The following PTPRT variants were observed in gnomAD, a reference collection of about 807,000 sequenced individuals.
The protein encoded by PTPRT is receptor-type tyrosine-protein phosphatase T.
In PTPRT, 56 loss-of-function variants were observed where a neutral mutation model predicts 176.8. That is an observed-to-expected ratio of 0.32 (90% CI 0.26 to 0.40). The LOEUF is 0.40. PTPRT is among the 10% of genes least tolerant of loss of function. The pLI, the probability that PTPRT is intolerant of heterozygous loss-of-function variation, is 1.00. For synonymous variants in PTPRT, 783 were observed against 739.0 expected (o/e 1.06, Z -0.96); for missense variants, 1,540 against 1,908.2 (o/e 0.81, Z 3.60).
intron 6 of PTPRT, among the ~76,000 whole-genome samples, chr20:42,713,718 G>T (rs1404644829): frequency 6.6e-6 from 1 of 152,126 alleles, no homozygotes; most frequent in Non-Finnish European, 1.5e-5. Context: ...CTGGATCATG[G>T]GAGCGGATTT....
At chr20:42,900,378 C>G (rs999272795) in intron 1 of PTPRT, among the ~76,000 whole-genome samples, 12 of 152,198 alleles carry the variant, frequency 7.9e-5, no homozygotes, top group African/African-American at 2.7e-4. Context: ...TGATGGTGAG[C>G]AGGCAGAGAC....
intron 7 of PTPRT, among the ~76,000 whole-genome samples, chr20:42,637,670 C>T (rs2074636659): frequency 6.6e-6 from 1 of 152,086 alleles, no homozygotes; most frequent in African/African-American, 2.4e-5. Flanking sequence ...TATTTATTTA[C>T]CGATTGTCAG....
Position 42,909,179 on chromosome 20 carries a change from T to TATAC in PTPRT, c.89-23251_89-23248dup, listed in dbSNP as rs1331544371. 3.9e-5 allele frequency among the ~76,000 whole-genome samples: 6 copies of TATAC among 152,236 alleles called. No homozygotes were observed. In the East Asian group the frequency reaches 9.7e-4, roughly 25 times the overall value. On this transcript the variant is annotated intron_variant, in intron 1 of 30. Coordinates refer to ENST00000373187, the MANE Select transcript of PTPRT (RefSeq NM_007050.6). ...CTAAAAGTAAGTAAATACATACATA[T>TATAC]ATACATACATACATAAAAGAGAAAT...
At chr20:42,839,722 G>A (rs1232388643) in intron 2 of PTPRT, among the ~76,000 whole-genome samples, 1 of 152,198 alleles carries the variant, frequency 6.6e-6, no homozygotes, top group Non-Finnish European at 1.5e-5. Context: ...GGTCGTGAAA[G>A]CCAACTGGTG....
intron 1 of PTPRT, among the ~76,000 whole-genome samples, chr20:42,907,779 G>A (rs1384288244): frequency 2.0e-5 from 3 of 150,772 alleles, no homozygotes; most frequent in Non-Finnish European, 4.4e-5. Flanking sequence ...CAGAGGCCCT[G>A]GGAACTTCTC....
At chr20:42,865,955 TC>T (rs2145807658) in intron 2 of PTPRT, among the ~76,000 whole-genome samples, 1 of 152,272 alleles carries the variant, frequency 6.6e-6, no homozygotes, top group East Asian at 1.9e-4. Flanking sequence ...CCTCTGCTCT[TC>T]CCTTTCTCCT....
chr20:43,158,854 T>C (rs1003296742), intron 1 of PTPRT, among the ~76,000 whole-genome samples: 2 of 152,206 alleles, frequency 1.3e-5, no homozygotes, highest in Non-Finnish European at 2.9e-5. Context: ...TCAAACTCTC[T>C]GTGCTCAGCT....
At chr20:42,574,124 G>T (rs530204645) in intron 7 of PTPRT, among the ~76,000 whole-genome samples, 67 of 152,270 alleles carry the variant, frequency 4.4e-4, no homozygotes, top group African/African-American at 1.6e-3. Context: ...TGCCTATGTG[G>T]GTTGCAGAGC....
chr20:43,047,686 A>AATGATGATG (rs3092428), intron 1 of PTPRT, among the ~76,000 whole-genome samples: 3 of 151,822 alleles, frequency 2.0e-5, no homozygotes, highest in South Asian at 2.1e-4. Flanking sequence ...TAATCATACT[A>AATGATGATG]ATGATGATGA....
At chr20:42,430,339 A>T (rs1455956121) in intron 9 of PTPRT, among the ~76,000 whole-genome samples, 1 of 152,226 alleles carries the variant, frequency 6.6e-6, no homozygotes, top group African/African-American at 2.4e-5. Flanking sequence ...ACAACTCAGT[A>T]CTGTACGTGC....
At chr20:43,033,207 C>T (rs1054869099) in intron 1 of PTPRT, among the ~76,000 whole-genome samples, 1 of 152,152 alleles carries the variant, frequency 6.6e-6, no homozygotes, top group African/African-American at 2.4e-5. Flanking sequence ...AGTCCAGGGC[C>T]ACATGTCAGT....
intron 16 of PTPRT, among the ~76,000 whole-genome samples, chr20:42,196,731 T>C (rs192699222): frequency 6.6e-6 from 1 of 152,316 alleles, no homozygotes; most frequent in Admixed American, 6.5e-5. Flanking sequence ...TGAGTCTCAG[T>C]GATTTATCTG....
At chr20:42,360,791 G>A (rs1176726808) in intron 9 of PTPRT, among the ~76,000 whole-genome samples, 1 of 152,160 alleles carries the variant, frequency 6.6e-6, no homozygotes, top group Admixed American at 6.5e-5. Context: ...CCTGCTCATT[G>A]GAACCCTGCA....
chr20:43,127,648 A>G (rs1189685210), intron 1 of PTPRT, among the ~76,000 whole-genome samples: 3 of 152,134 alleles, frequency 2.0e-5, no homozygotes. Context: ...CTCAGTGCAG[A>G]CGCAGCTTCT....
intron 7 of PTPRT, among the ~76,000 whole-genome samples, chr20:42,509,446 T>C (rs1298111603): frequency 5.0e-5 from 5 of 100,394 alleles, no homozygotes; most frequent in African/African-American, 2.0e-4. Flanking sequence ...ATATAATTTA[T>C]ATTTAATTTA....
In PTPRT at chr20:42,885,943, A is replaced by G. The variant is rs1367745425; in HGVS notation, c.89-11T>C. The G allele has an allele frequency of 1.3e-6, 2 of 1,597,098 alleles. No homozygotes were observed. The highest frequency in any genetic ancestry group is 2.3e-5 in the East Asian group (1 of 44,126). ...CAAAGGAACAGCCACCTGTAGACAA[A>G]AGAGATATGGGTAAATACATTCCCG... On this transcript the variant is annotated splice_polypyrimidine_tract_variant and intron_variant, in intron 1 of 30. Coordinates refer to ENST00000373187, the MANE Select transcript of PTPRT (RefSeq NM_007050.6).
At chr20:42,782,916 TTAATC>T (rs977963298) in intron 3 of PTPRT, among the ~76,000 whole-genome samples, 6 of 152,202 alleles carry the variant, frequency 3.9e-5, no homozygotes, top group Admixed American at 2.0e-4. Flanking sequence ...GTTGAAGACT[TTAATC>T]TATGTCTTAG....
chr20:42,398,219 C>T (rs1248431609), intron 9 of PTPRT, among the ~76,000 whole-genome samples: 1 of 151,794 alleles, frequency 6.6e-6, no homozygotes, highest in Non-Finnish European at 1.5e-5. Context: ...AAAGGAATAA[C>T]CAATAGATGT....
intron 12 of PTPRT, among the ~76,000 whole-genome samples, chr20:42,283,804 C>T (rs1295031143): frequency 6.6e-6 from 1 of 152,064 alleles, no homozygotes; most frequent in Non-Finnish European, 1.5e-5. Flanking sequence ...TGGAATCCTC[C>T]CATGTATCCA....
Sources: gnomAD v4.1 joint callset for allele counts (sites outside exome capture counted in the v4.1 genomes callset) on GRCh38, gnomAD v4.1.1 for gene constraint, MANE v1.5 for transcripts, NCBI Gene and HGNC (gene_info 2026-07-23, HGNC 2026-07-21) for gene names.